The following COBL variants were observed in gnomAD, a reference collection of about 807,000 sequenced individuals.
The protein encoded by COBL is protein cordon-bleu.
In COBL, 51 loss-of-function variants were observed where a neutral mutation model predicts 98.8. The observed-to-expected ratio is 0.52, with a 90% CI of 0.41 to 0.65. The LOEUF is 0.65. COBL is among the 30% of genes least tolerant of loss of function. COBL has a pLI of 0.00. For synonymous variants in COBL, 634 were observed against 651.7 expected (o/e 0.97, Z 0.41); for missense variants, 1,617 against 1,617.5 (o/e 1.00, Z 0.01).
intron 1 of COBL, among the ~76,000 whole-genome samples, chr7:51,249,316 T>C (rs915666670): frequency 1.3e-4 from 20 of 152,178 alleles, no homozygotes; most frequent in African/African-American, 4.8e-4. Flanking sequence ...ACAGAAAATC[T>C]ATTGCTTAAC....
intron 1 of COBL, among the ~76,000 whole-genome samples, chr7:51,221,672 T>C (rs1793652030): frequency 6.6e-6 from 1 of 152,220 alleles, no homozygotes; most frequent in African/African-American, 2.4e-5. Context: ...AGATAAAGAA[T>C]TGGCAAAAAT....
intron 12 of COBL, 116 bp downstream of exon 12, chr7:51,024,993 C>T: frequency 1.4e-6 from 2 of 1,402,036 alleles, no homozygotes; most frequent in Admixed American, 1.7e-5. Context: ...TCTCTCTCAA[C>T]CCACTCCCAT....
At chr7:51,197,537 T>C (rs1308331000) in intron 2 of COBL, among the ~76,000 whole-genome samples, 6 of 152,240 alleles carry the variant, frequency 3.9e-5, no homozygotes, top group Admixed American at 1.3e-4. Context: ...CAGGTCCATC[T>C]GATCCAGTGC....
At chr7:51,241,285 G>A (rs1344049442) in intron 1 of COBL, among the ~76,000 whole-genome samples, 1 of 152,164 alleles carries the variant, frequency 6.6e-6, no homozygotes, top group African/African-American at 2.4e-5. Flanking sequence ...TTTACTAACT[G>A]ATACTTAGTA....
intron 4 of COBL, among the ~76,000 whole-genome samples, chr7:51,189,770 C>G (rs1789917234): frequency 6.6e-6 from 1 of 152,066 alleles, no homozygotes; most frequent in African/African-American, 2.4e-5. Context: ...AATAATGAAA[C>G]AGAGACAACA....
intron 6 of COBL, among the ~76,000 whole-genome samples, chr7:51,117,188 C>T (rs1797349177): frequency 8.0e-6 from 1 of 124,800 alleles, no homozygotes; most frequent in South Asian, 2.4e-4. Flanking sequence ...TAGCTATGCA[C>T]AGTTTTCTTC....
intron 5 of COBL, among the ~76,000 whole-genome samples, chr7:51,143,632 C>A (rs906807625): frequency 2.0e-5 from 3 of 152,164 alleles, no homozygotes; most frequent in Non-Finnish European, 4.4e-5. Flanking sequence ...AAGGGCACCA[C>A]TACAGGACAC....
chr7:51,045,581 C>T (rs905342744), intron 7 of COBL, among the ~76,000 whole-genome samples: 13 of 152,168 alleles, frequency 8.5e-5, no homozygotes, highest in Admixed American at 3.3e-4. Flanking sequence ...CAGGGATTAT[C>T]GCTGAGGCGC....
intron 1 of COBL, among the ~76,000 whole-genome samples, chr7:51,249,628 C>T (rs912124641): frequency 2.6e-5 from 4 of 152,158 alleles, no homozygotes; most frequent in African/African-American, 9.7e-5. Context: ...TGACACCTTC[C>T]TTTTACTTTT....
chr7:51,299,000 G>A (rs756572027), intron 1 of COBL, among the ~76,000 whole-genome samples: 2 of 152,198 alleles, frequency 1.3e-5, no homozygotes, highest in East Asian at 1.9e-4. Context: ...GAGTCAGGGA[G>A]GCAACATCTG....
chr7:51,029,026 T>C lies in COBL; in HGVS notation c.2070A>G (p.Gln690=). 1.2e-6 allele frequency: 2 copies of C among 1,614,182 alleles called. No individual in the cohort carries two copies. Among genetic ancestry groups the C allele is most frequent in the Non-Finnish European group, 1.7e-6 (2 of 1,180,038 alleles). Residue 690 remains glutamine (Q), a synonymous_variant, in exon 10 of 13, where the codon CAA becomes CAG. Transcript: ENST00000265136. The stretch of plus-strand genomic sequence containing the variant: ...AGCTTTTCCCTGGGTTTTGGCCTCG[T>C]TGGTGCCATGATGTTGGTGCCAAGG... ...NAALAPTSWH[Q]RGQNPGKSYR...
At chr7:51,119,538 C>T (rs1797567694) in intron 6 of COBL, among the ~76,000 whole-genome samples, 1 of 152,118 alleles carries the variant, frequency 6.6e-6, no homozygotes, top group Non-Finnish European at 1.5e-5. Context: ...CACTGCACCA[C>T]GAGCTTCTCT....
intron 6 of COBL, among the ~76,000 whole-genome samples, chr7:51,090,603 G>T (rs907777178): frequency 1.6e-4 from 24 of 152,230 alleles, no homozygotes; most frequent in African/African-American, 4.8e-4. Flanking sequence ...GAGAAAAAAG[G>T]AGCTCAGAGG....
At chr7:51,031,132 T>G in intron 8 of COBL, 1 of 548,668 alleles carries the variant, frequency 1.8e-6, no homozygotes. Flanking sequence ...GTGTAGCGTG[T>G]GTGCATGTGT....
In COBL at chr7:51,114,424, G is replaced by A. The variant is rs866648910; in HGVS notation, c.957+21734C>T. 6.6e-4 allele frequency among the ~76,000 whole-genome samples: 99 copies of A among 150,462 alleles called. 1 individual carries two copies. In the Middle Eastern group the frequency reaches 0.014, roughly 21 times the overall value. ...GTTTCAAATTGGGTATTTAACATAA[G>A]AAACATTTACTAAAACAAAAATCTC... On this transcript the variant is annotated intron_variant, in intron 6 of 12. Transcript: ENST00000265136.
chr7:51,280,007 T>C (rs1225215827), intron 1 of COBL, among the ~76,000 whole-genome samples: 1 of 152,132 alleles, frequency 6.6e-6, no homozygotes, highest in East Asian at 1.9e-4. Context: ...ATGCACTTTA[T>C]AAGAAAAATC....
chr7:51,297,185 C>T (rs1338719783), intron 1 of COBL, among the ~76,000 whole-genome samples: 2 of 152,024 alleles, frequency 1.3e-5, no homozygotes, highest in African/African-American at 4.8e-5. Context: ...CTCATTTTTA[C>T]GTAGGTAGAC....
At chr7:51,164,465 C>T (rs775765071) in intron 5 of COBL, among the ~76,000 whole-genome samples, 2 of 152,070 alleles carry the variant, frequency 1.3e-5, no homozygotes, top group African/African-American at 4.8e-5. Context: ...AGTGACATAA[C>T]ATATTTAAAG....
intron 5 of COBL, among the ~76,000 whole-genome samples, chr7:51,163,510 T>G (rs1187081422): frequency 6.6e-6 from 1 of 152,238 alleles, no homozygotes; most frequent in Non-Finnish European, 1.5e-5. Context: ...CCCTAGGGCT[T>G]GAAACCCAGT....
Sources: allele counts gnomAD v4.1 joint callset (sites outside exome capture counted in the v4.1 genomes callset), GRCh38; gene constraint gnomAD v4.1.1; transcripts MANE v1.5; gene names NCBI Gene and HGNC (gene_info 2026-07-23, HGNC 2026-07-21).